Variants in ELAVL2 observed in about 807,000 individuals in gnomAD.
ELAVL2 encodes the protein ELAV like RNA binding protein 2.
In ELAVL2, 4 loss-of-function variants were observed where a neutral mutation model predicts 34.6. The ratio of observed to expected loss-of-function variants is 0.12; its 90% CI spans 0.06 to 0.26. ELAVL2 has a LOEUF of 0.26. ELAVL2 is among the 10% of genes least tolerant of loss of function. The pLI, the probability that ELAVL2 is intolerant of heterozygous loss-of-function variation, is 1.00. For missense variants in ELAVL2, 432 were observed against 442.8 expected, an observed-to-expected ratio of 0.98 and a Z score of 0.22; for synonymous variants, 193 against 154.8, an observed-to-expected ratio of 1.25 and a Z score of -1.83.
intron 2 of ELAVL2, among the ~76,000 whole-genome samples, chr9:23,743,276 G>A (rs2049712232): frequency 6.6e-6 from 1 of 152,190 alleles, no homozygotes; most frequent in South Asian, 2.1e-4. Context: ...CTAAAGAGAA[G>A]TACAAAATGG....
At chr9:23,752,535 A>G (rs1588102940) in intron 2 of ELAVL2, among the ~76,000 whole-genome samples, 1 of 151,642 alleles carries the variant, frequency 6.6e-6, no homozygotes, top group African/African-American at 2.4e-5. Flanking sequence ...GCTCACTGCA[A>G]CCTCCGCCTC....
chr9:23,823,118 C>CGA (rs2065042383), intron 1 of ELAVL2, among the ~76,000 whole-genome samples: 1 of 152,246 alleles, frequency 6.6e-6, no homozygotes, highest in Non-Finnish European at 1.5e-5. Flanking sequence ...GATTCTATAT[C>CGA]AGCATTTCCG....
intron 2 of ELAVL2, among the ~76,000 whole-genome samples, chr9:23,753,396 C>T (rs1272182094): frequency 6.6e-6 from 1 of 151,816 alleles, no homozygotes; most frequent in African/African-American, 2.4e-5. Context: ...AATAAAAGTG[C>T]TTCGGTCTAT....
intron 4 of ELAVL2, among the ~76,000 whole-genome samples, chr9:23,701,937 A>G (rs1382943119): frequency 3.9e-5 from 6 of 152,148 alleles, no homozygotes; most frequent in Admixed American, 6.6e-5. Context: ...TTTAATGTCA[A>G]TAGTGTACCG....
rs766272205 is a variant in ELAVL2 at position 23,730,976 on chromosome 9, T to C, written c.333+46A>G. 3 of 1,540,538 alleles carry C rather than the reference T, an allele frequency of 1.9e-6. No homozygotes were observed. The Admixed American group carries it at 5.4e-5, about 28-fold the overall frequency. On this transcript the variant is annotated intron_variant, in intron 3 of 6. Transcript: ENST00000397312. ...GAACTACAAATAAATCTTAATTTTT[T>C]TAAACTTCTGTTCCGCAAGTAGATA...
At chr9:23,826,369 C>CCG (rs1044728750), upstream of ELAVL2, 2 of 152,352 alleles carry the variant, frequency 1.3e-5, no homozygotes, top group Non-Finnish European at 2.9e-5. Flanking sequence ...GAAGTATACG[C>CCG]CGAATCGCGC....
chr9:23,691,538 A>C lies in ELAVL2; in HGVS notation c.*1019T>G, dbSNP rs1339425267. On this transcript the variant is annotated 3_prime_UTR_variant, in exon 7 of 7. Transcript: ENST00000397312. ...AGATTTTTTCCCCCATCTCTCGGTA[A>C]TTTAAATTTCTTGCCTGCTCTTATA... is the stretch of plus-strand genomic sequence containing the variant. 2 of 152,498 alleles carry C rather than the reference A, an allele frequency of 1.3e-5. No homozygotes were observed. Among genetic ancestry groups the C allele is most frequent in the Non-Finnish European group, 2.9e-5 (2 of 67,992 alleles). The allele number at this position is 152,498 out of a possible 1,614,324, so 9.4% of individuals were successfully genotyped here.
intron 1 of ELAVL2, among the ~76,000 whole-genome samples, chr9:23,784,022 G>A (rs542074881): frequency 1.2e-4 from 18 of 151,890 alleles, no homozygotes; most frequent in African/African-American, 7.3e-5. Flanking sequence ...GTGAAACCCC[G>A]TCTCTACTAA....
At chr9:23,759,757 TATATA>T (rs1564324070) in intron 2 of ELAVL2, among the ~76,000 whole-genome samples, 5 of 62,606 alleles carry the variant, frequency 8.0e-5, no homozygotes, top group East Asian at 9.1e-4. Context: ...TATAGTATTA[TATATA>T]TATATATATA....
At chr9:23,816,546 A>G (rs903342413) in intron 1 of ELAVL2, among the ~76,000 whole-genome samples, 8 of 152,198 alleles carry the variant, frequency 5.3e-5, no homozygotes, top group Non-Finnish European at 8.8e-5. Context: ...AGTCAAAGGA[A>G]AAACCCAAGG....
upstream of ELAVL2, among the ~76,000 whole-genome samples, chr9:23,828,625 T>C (rs551507316): frequency 6.6e-6 from 1 of 152,300 alleles, no homozygotes; most frequent in South Asian, 2.1e-4. Flanking sequence ...ATTTATGGTT[T>C]TTTTTCAGCT....
chr9:23,719,248 T>C lies in ELAVL2; in HGVS notation c.333+11774A>G, dbSNP rs190626058. Among the ~76,000 whole-genome samples the C allele has an allele frequency of 1.5e-3, 223 of 152,262 alleles. 1 individual carries two copies. The highest frequency in any genetic ancestry group is 5.9e-4 in the Non-Finnish European group (40 of 68,020). ...CCTTTCCCTGGGTCTTGCTGACTGATAGCATCAATAACACTCACTGGCTGT... is the reference window on the plus strand; with the variant it reads ...CCTTTCCCTGGGTCTTGCTGACTGACAGCATCAATAACACTCACTGGCTGT... On this transcript the variant is annotated intron_variant, in intron 3 of 6. Transcript: ENST00000397312.
intron 2 of ELAVL2, among the ~76,000 whole-genome samples, chr9:23,750,023 T>G (rs937138086): frequency 1.6e-5 from 2 of 124,472 alleles, no homozygotes; most frequent in Non-Finnish European, 3.3e-5. Context: ...GGTACTGTCT[T>G]AAAAAAGGAA....
intron 1 of ELAVL2, among the ~76,000 whole-genome samples, chr9:23,777,996 T>C (rs915889908): frequency 6.6e-6 from 1 of 152,156 alleles, no homozygotes; most frequent in Non-Finnish European, 1.5e-5. Context: ...CTGAACATTC[T>C]TCCTGATACA....
intron 1 of ELAVL2, among the ~76,000 whole-genome samples, chr9:23,787,269 T>G (rs2059805757): frequency 6.6e-6 from 1 of 152,024 alleles, no homozygotes. Flanking sequence ...CCCATTTTTT[T>G]TTTTTTTGAG....
At chr9:23,782,796 C>A (rs1269682842) in intron 1 of ELAVL2, among the ~76,000 whole-genome samples, 1 of 152,182 alleles carries the variant, frequency 6.6e-6, no homozygotes, top group Non-Finnish European at 1.5e-5. Context: ...TATTTACCAG[C>A]CTGCTTGACC....
intron 3 of ELAVL2, among the ~76,000 whole-genome samples, chr9:23,728,889 C>G (rs1168852014): frequency 6.6e-6 from 1 of 152,048 alleles, no homozygotes; most frequent in African/African-American, 2.4e-5. Context: ...TTACAGGAAC[C>G]AAATAGGGGC....
chr9:23,806,632 T>A (rs1214821960), intron 1 of ELAVL2, among the ~76,000 whole-genome samples: 4 of 151,360 alleles, frequency 2.6e-5, no homozygotes, highest in African/African-American at 9.7e-5. Context: ...AAAAAAAAAA[T>A]CAGTAATAAG....
Position 23,760,937 on chromosome 9 carries a change from T to C in ELAVL2, c.229+1069A>G, listed in dbSNP as rs565171555. ...ATTAACGGAATAGCTCAAAGTCCCA[T>C]GTATGAAAAAGTCAAAAGTGAACTT... On this transcript the variant is annotated intron_variant, in intron 2 of 6. Transcript: ENST00000397312. Among the ~76,000 whole-genome samples, 4 of 152,108 alleles carry C rather than the reference T, an allele frequency of 2.6e-5. 1 individual carries two copies. Among genetic ancestry groups the C allele is most frequent in the South Asian group, 2.1e-4 (1 of 4,828 alleles).
Sources: allele counts gnomAD v4.1 joint callset (sites outside exome capture counted in the v4.1 genomes callset), GRCh38; gene constraint gnomAD v4.1.1; transcripts MANE v1.5; gene names NCBI Gene and HGNC (gene_info 2026-07-23, HGNC 2026-07-21).